ATG10: variants seen among roughly 807,000 people sequenced by gnomAD.
The protein encoded by ATG10 is autophagy related 10.
ATG10 carries 30 observed loss-of-function variants against 32.1 expected under a neutral mutation model. The ratio of observed to expected loss-of-function variants is 0.94; its 90% confidence interval spans 0.70 to 1.27. The LOEUF (loss-of-function observed/expected upper bound fraction) is 1.27, where lower values mean the gene tolerates loss of function less well. Among genes scored for constraint, ATG10 ranks in the 50% most tolerant of loss-of-function variants. ATG10 has a pLI of 0.00. For missense variants in ATG10, 233 were observed against 262.3 expected, an observed-to-expected ratio of 0.89 and a Z score of 0.77; for synonymous variants, 87 against 91.5, an observed-to-expected ratio of 0.95 and a Z score of 0.28.
At chr5:82,090,382 G>A (rs1354196642) in intron 3 of ATG10, among the ~76,000 whole-genome samples, 3 of 152,090 alleles carry the variant, frequency 2.0e-5, no homozygotes, top group African/African-American at 7.2e-5. Context: ...ATGGGTGAAT[G>A]GTTAAACAAA....
At chr5:82,162,630 A>G (rs536519143) in intron 3 of ATG10, among the ~76,000 whole-genome samples, 2 of 152,334 alleles carry the variant, frequency 1.3e-5, no homozygotes, top group South Asian at 2.1e-4. Context: ...GCAGAAAACT[A>G]TAATCAACCT....
intron 5 of ATG10, among the ~76,000 whole-genome samples, chr5:82,197,764 A>ATCTG (rs1554056730): frequency 7.5e-5 from 11 of 147,238 alleles, no homozygotes; most frequent in South Asian, 2.1e-4. Flanking sequence ...CTATCTATCT[A>ATCTG]TCTATCTATC....
intron 3 of ATG10, among the ~76,000 whole-genome samples, chr5:82,089,375 G>A (rs1764805180): frequency 6.6e-6 from 1 of 151,888 alleles, no homozygotes; most frequent in Non-Finnish European, 1.5e-5. Context: ...TATTAGTGGA[G>A]GGATAGACAC....
chr5:82,089,044 T>C (rs1352301741), intron 3 of ATG10, among the ~76,000 whole-genome samples: 2 of 152,176 alleles, frequency 1.3e-5, no homozygotes, highest in Non-Finnish European at 2.9e-5. Flanking sequence ...ACTATATAGC[T>C]ACAGTAATAA....
chr5:81,998,279 AG>A (rs1381279420), intron 2 of ATG10, among the ~76,000 whole-genome samples: 1 of 152,258 alleles, frequency 6.6e-6, no homozygotes, highest in Admixed American at 6.5e-5. Flanking sequence ...TTTCTTATTC[AG>A]CCAAACTAAG....
Position 82,058,585 on chromosome 5 carries a change from A to G in ATG10, c.199A>G (p.Thr67Ala). Residue 67 changes from threonine to alanine, a missense_variant, in exon 3 of 8, where the codon ACA becomes GCA. Coordinates refer to ENST00000282185, the MANE Select transcript of ATG10 (RefSeq NM_031482.5). Reference protein sequence around the residue: ...SHLGASTHGQTCLPMEEAFEL... With the variant: ...SHLGASTHGQACLPMEEAFEL... ...TCTAGGAGCATCTACCCATGGACAG[A>G]CATGTCTTCCCATGGAGGTGAGTAG... is the stretch of plus-strand genomic sequence containing the variant. The G allele has an allele frequency of 6.2e-7, 1 of 1,610,458 alleles. No homozygotes were observed. The highest frequency in any genetic ancestry group is 8.5e-7 in the Non-Finnish European group (1 of 1,176,978).
intron 3 of ATG10, among the ~76,000 whole-genome samples, chr5:82,160,044 A>G (rs543632964): frequency 2.6e-5 from 4 of 152,066 alleles, no homozygotes; most frequent in Admixed American, 6.5e-5. Context: ...ACTTGTACTC[A>G]TTGTGTGTGT....
chr5:82,025,709 A>G (rs1180524413), intron 2 of ATG10, among the ~76,000 whole-genome samples: 1 of 152,162 alleles, frequency 6.6e-6, no homozygotes, highest in Non-Finnish European at 1.5e-5. Context: ...TATTTGAAGG[A>G]CTTCCTATGT....
At chr5:82,183,542 C>T (rs1260950536) in intron 5 of ATG10, among the ~76,000 whole-genome samples, 6 of 152,010 alleles carry the variant, frequency 3.9e-5, no homozygotes, top group Non-Finnish European at 7.4e-5. Flanking sequence ...GGTATGCCGT[C>T]GGGGGGACAT....
chr5:82,133,537 G>A lies in ATG10; in HGVS notation c.217-30862G>A, dbSNP rs1766622749. Among the ~76,000 whole-genome samples, 3 of 152,102 alleles carry A rather than the reference G, an allele frequency of 2.0e-5. No individual in the cohort carries two copies. The South Asian group carries it at 6.2e-4, about 32-fold the overall frequency. ...TGCCAAAGATCAGATGGTTGTAGAT[G>A]TGTGGTGTTATTTCTGAGGCCTCTG... On this transcript the variant is annotated intron_variant, in intron 3 of 7. Transcript: ENST00000282185.
chr5:81,989,930 G>C (rs1295557206), intron 2 of ATG10, among the ~76,000 whole-genome samples: 1 of 152,062 alleles, frequency 6.6e-6, no homozygotes, highest in East Asian at 1.9e-4. Flanking sequence ...TATGATTATT[G>C]CTGAGTTGAA....
chr5:82,135,405 C>G (rs1455759548), intron 3 of ATG10, among the ~76,000 whole-genome samples: 2 of 152,162 alleles, frequency 1.3e-5, no homozygotes, highest in Admixed American at 6.5e-5. Flanking sequence ...AGCTGTGTCC[C>G]AGAGATTCTG....
chr5:82,166,993 C>A (rs1332688282), intron 4 of ATG10, among the ~76,000 whole-genome samples: 2 of 152,082 alleles, frequency 1.3e-5, no homozygotes, highest in Non-Finnish European at 2.9e-5. Context: ...TAAATAGTTT[C>A]CATTTAAATT....
chr5:82,213,898 A>G (rs1745583732), intron 5 of ATG10, among the ~76,000 whole-genome samples: 1 of 152,218 alleles, frequency 6.6e-6, no homozygotes, highest in Admixed American at 6.5e-5. Context: ...TTGTTGATAC[A>G]TTCTTTCAGA....
intron 3 of ATG10, among the ~76,000 whole-genome samples, chr5:82,150,281 G>T (rs755681903): frequency 1.3e-4 from 18 of 142,890 alleles, no homozygotes; most frequent in African/African-American, 3.0e-4. Flanking sequence ...GCAGGCTAAT[G>T]ATTCCAAAGA....
intron 3 of ATG10, among the ~76,000 whole-genome samples, chr5:82,062,108 G>T (rs1763801533): frequency 6.6e-6 from 1 of 151,844 alleles, no homozygotes; most frequent in Non-Finnish European, 1.5e-5. Context: ...GAGATTACAG[G>T]CATGAGCCAC....
chr5:82,128,305 T>C (rs1460968337), intron 3 of ATG10, among the ~76,000 whole-genome samples: 1 of 152,076 alleles, frequency 6.6e-6, no homozygotes, highest in East Asian at 1.9e-4. Flanking sequence ...TTAATATTGT[T>C]ATATGTGAAT....
intron 4 of ATG10, among the ~76,000 whole-genome samples, chr5:82,172,191 T>C (rs1561338992): frequency 6.6e-6 from 1 of 152,134 alleles, no homozygotes; most frequent in South Asian, 2.1e-4. Flanking sequence ...CCACTAGTAA[T>C]AGTAGCAACA....
chr5:82,006,614 A>C (rs998576921), intron 2 of ATG10, among the ~76,000 whole-genome samples: 1 of 152,182 alleles, frequency 6.6e-6, no homozygotes, highest in Non-Finnish European at 1.5e-5. Context: ...TAAAGCCATG[A>C]AATATTGTTT....
Sources: gnomAD v4.1 joint callset for allele counts (sites outside exome capture counted in the v4.1 genomes callset) on GRCh38, gnomAD v4.1.1 for gene constraint, MANE v1.5 for transcripts, NCBI Gene and HGNC (gene_info 2026-07-23, HGNC 2026-07-21) for gene names.